Variants in AFG2A observed in about 807,000 individuals in gnomAD.
AFG2A encodes ATPase family gene 2 protein homolog A.
At chr4:123,256,232 G>A in the AFG2A span, 1 of 1,589,434 alleles carries the variant, frequency 6.3e-7, no homozygotes, top group East Asian at 2.2e-5. Flanking sequence ...GGTGGCTCAG[G>A]GTCATTAAGC....
chr4:123,133,458 T>A, the AFG2A span, among the ~76,000 whole-genome samples: 3 of 150,644 alleles, frequency 2.0e-5, no homozygotes, highest in Non-Finnish European at 4.4e-5. Context: ...CTTCATACAG[T>A]GTCTGTTATA....
the AFG2A span, among the ~76,000 whole-genome samples, chr4:123,163,774 C>G: frequency 6.6e-6 from 1 of 152,152 alleles, no homozygotes; most frequent in African/African-American, 2.4e-5. Flanking sequence ...AAGGAAACTT[C>G]TGAGTTTTAG....
chr4:123,226,845 T>G, the AFG2A span, among the ~76,000 whole-genome samples: 1 of 152,144 alleles, frequency 6.6e-6, no homozygotes, highest in African/African-American at 2.4e-5. Flanking sequence ...GGTCCTGGAC[T>G]TTTTTTCGTT....
chr4:123,033,086 A>G, the AFG2A span, among the ~76,000 whole-genome samples: 1 of 152,272 alleles, frequency 6.6e-6, no homozygotes, highest in Non-Finnish European at 1.5e-5. Context: ...TATCAAAGGT[A>G]CAAGATAATC....
the AFG2A span, among the ~76,000 whole-genome samples, chr4:123,300,071 G>A: frequency 1.3e-5 from 2 of 152,098 alleles, no homozygotes; most frequent in Non-Finnish European, 1.5e-5. Context: ...CTTTCTTTAG[G>A]AGACTTTCTG....
At chr4:123,039,724 T>C in the AFG2A span, among the ~76,000 whole-genome samples, 1 of 151,848 alleles carries the variant, frequency 6.6e-6, no homozygotes, top group African/African-American at 2.4e-5. Context: ...GGCTGTAGTA[T>C]AGGGCTGTAA....
At chr4:123,289,535 TG>T in the AFG2A span, among the ~76,000 whole-genome samples, 1 of 152,198 alleles carries the variant, frequency 6.6e-6, no homozygotes, top group African/African-American at 2.4e-5. Flanking sequence ...TACCCAGTAG[TG>T]GGATTGAAGG....
At chr4:123,273,951 T>C in the AFG2A span, among the ~76,000 whole-genome samples, 2 of 152,152 alleles carry the variant, frequency 1.3e-5, no homozygotes, top group African/African-American at 4.8e-5. Context: ...CTTTATATGA[T>C]TACTGGTTAG....
At chr4:123,025,653 G>T in the AFG2A span, among the ~76,000 whole-genome samples, 5 of 151,990 alleles carry the variant, frequency 3.3e-5, no homozygotes, top group African/African-American at 9.7e-5. Context: ...AATGACATGG[G>T]TGTCGGTTTT....
the AFG2A span, among the ~76,000 whole-genome samples, chr4:123,196,070 A>G: frequency 6.7e-6 from 1 of 149,806 alleles, no homozygotes; most frequent in African/African-American, 2.5e-5. Flanking sequence ...GTGCATTCTC[A>G]GCTCACTGCA....
At chr4:123,122,526 C>T in the AFG2A span, among the ~76,000 whole-genome samples, 2 of 152,132 alleles carry the variant, frequency 1.3e-5, no homozygotes, top group Admixed American at 1.3e-4. Flanking sequence ...AGTAAGGTTT[C>T]TTCTGAACAT....
chr4:123,038,554 TGG>T, the AFG2A span, among the ~76,000 whole-genome samples: 1 of 152,082 alleles, frequency 6.6e-6, no homozygotes, highest in Non-Finnish European at 1.5e-5. Context: ...TAACCTCCCT[TGG>T]TAATGAAATT....
the AFG2A span, among the ~76,000 whole-genome samples, chr4:123,178,449 T>C: frequency 2.0e-5 from 3 of 152,262 alleles, no homozygotes; most frequent in Admixed American, 2.0e-4. Flanking sequence ...CCATTCATAT[T>C]CTTGAACAAC....
At chr4:122,971,058 G>A in the AFG2A span, among the ~76,000 whole-genome samples, 1 of 152,112 alleles carries the variant, frequency 6.6e-6, no homozygotes, top group African/African-American at 2.4e-5. Context: ...AATAGAAAAA[G>A]TAATTTTTTT....
chr4:123,306,108 C>G, the AFG2A span, among the ~76,000 whole-genome samples: 3 of 152,182 alleles, frequency 2.0e-5, no homozygotes, highest in Non-Finnish European at 2.9e-5. Context: ...TAGCATGAAA[C>G]TTTATACTCA....
the AFG2A span, among the ~76,000 whole-genome samples, chr4:123,293,030 A>G: frequency 6.6e-6 from 1 of 152,192 alleles, no homozygotes; most frequent in Non-Finnish European, 1.5e-5. Context: ...CACGAAAGCA[A>G]TCTGCCTCCC....
the AFG2A span, chr4:122,947,439 T>G: frequency 6.2e-7 from 1 of 1,614,092 alleles, no homozygotes; most frequent in Non-Finnish European, 8.5e-7. Context: ...TGGCAAATAG[T>G]GCTCATGGAT....
the AFG2A span, among the ~76,000 whole-genome samples, chr4:123,142,222 T>C: frequency 3.3e-5 from 5 of 152,152 alleles, no homozygotes; most frequent in Non-Finnish European, 5.9e-5. Context: ...CCTTATTACA[T>C]AGAGTTACTC....
At chr4:123,255,874 A>C in the AFG2A span, 2 of 961,834 alleles carry the variant, frequency 2.1e-6, no homozygotes, top group Non-Finnish European at 3.0e-6. Context: ...TAGATTATGG[A>C]ATCTCTGGTA....
Sources: allele counts gnomAD v4.1 joint callset (sites outside exome capture counted in the v4.1 genomes callset), GRCh38; gene constraint gnomAD v4.1.1; transcripts MANE v1.5; gene names NCBI Gene and HGNC (gene_info 2026-07-23, HGNC 2026-07-21).